The following THSD8 variants were observed in gnomAD, a reference collection of about 807,000 sequenced individuals.
THSD8 encodes thrombospondin type-1 domain-containing protein 8.
chr19:12,803,348 T>C (rs940378690), intron 1 of THSD8, among the ~76,000 whole-genome samples: 52 of 152,214 alleles, frequency 3.4e-4, no homozygotes, highest in African/African-American at 1.2e-3. Flanking sequence ...ACCTTCATTA[T>C]GTCAATTATG....
chr19:12,803,546 C>T (rs891872153), intron 1 of THSD8, among the ~76,000 whole-genome samples: 3 of 152,016 alleles, frequency 2.0e-5, no homozygotes, highest in African/African-American at 7.3e-5. Flanking sequence ...CCACTTACCC[C>T]GTATATGAGC....
Position 12,802,232 on chromosome 19 carries a change from G to A in THSD8, c.148+13G>A. On this transcript the variant is annotated intron_variant, in intron 1 of 1. Coordinates refer to ENST00000639810, the MANE Select transcript of THSD8 (RefSeq NM_001386800.1). ...CAGCATCTAAAGGGTAACCTCAGGC[G>A]GCGGGGATGACGATGCCCAAAGGCT... 5.0e-6 allele frequency: 2 copies of A among 398,684 alleles called. No homozygotes were observed. The highest frequency in any genetic ancestry group is 8.8e-6 in the Non-Finnish European group (2 of 226,110). 24.7% of individuals were successfully genotyped at this position (398,684 alleles called of 1,614,324 possible).
Position 12,804,171 on chromosome 19 carries a change from G to A in THSD8, c.216G>A (p.Glu72=), listed in dbSNP as rs936588938. The change falls in exon 2 of 2, where the codon GAG becomes GAA. Residue 72 remains glutamate (E), a synonymous_variant. Coordinates refer to ENST00000639810, the MANE Select transcript of THSD8 (RefSeq NM_001386800.1). ...WRCLCDLGKQ[E]RSREVVGTAP... ...GTCTCTGCGACCTGGGCAAGCAGGA[G>A]CGCAGCCGCGAGGTAGTGGGCACAG... The A allele has an allele frequency of 1.0e-5, 4 of 398,502 alleles. No homozygotes were observed. Among genetic ancestry groups the A allele is most frequent in the African/African-American group, 8.2e-5 (4 of 48,608 alleles). 24.7% of individuals were successfully genotyped at this position (398,502 alleles called of 1,614,324 possible).
chr19:12,803,634 T>C (rs766834783), intron 1 of THSD8, among the ~76,000 whole-genome samples: 2 of 152,012 alleles, frequency 1.3e-5, no homozygotes, highest in Admixed American at 6.6e-5. Context: ...AGGCCAGGCA[T>C]GGTGGCTGGC....
chr19:12,802,105 C>T lies in THSD8; in HGVS notation c.34C>T (p.Pro12Ser). The T allele has an allele frequency of 2.5e-6, 1 of 398,714 alleles. No homozygotes were observed. Among genetic ancestry groups the T allele is most frequent in the Non-Finnish European group, 4.4e-6 (1 of 226,124 alleles). The allele number at this position is 398,714 out of a possible 1,614,324, so 24.7% of individuals were successfully genotyped here. ...GACCCCGGGGGCGCTGCTGCTGGCG[C>T]CTCTGCTACTCCTGCAGCTGGCGAC... ...ARTPGALLLAPLLLLQLATPA... is the reference protein window; with the variant it reads ...ARTPGALLLASLLLLQLATPA... The change falls in exon 1 of 2, where the codon CCT becomes TCT. Residue 12 changes from proline (P) to serine (S), a missense_variant. By Grantham distance (74) the Pro-to-Ser change is moderately conservative (BLOSUM62 -1). Coordinates refer to ENST00000639810, the MANE Select transcript of THSD8 (RefSeq NM_001386800.1).
chr19:12,802,533 A>G (rs8104763), intron 1 of THSD8, among the ~76,000 whole-genome samples: 10,701 of 152,234 alleles, frequency 0.07, 635 homozygotes, highest in African/African-American at 0.16. Context: ...GAAATCAGAG[A>G]GGGTCCGATT....
At chr19:12,802,542 T>C (rs8107906) in intron 1 of THSD8, among the ~76,000 whole-genome samples, 10,695 of 152,110 alleles carry the variant, frequency 0.07, 635 homozygotes, top group African/African-American at 0.16. Context: ...GAGGGTCCGA[T>C]TGCAGAAGAC....
At chr19:12,802,772 G>T (rs377514395) in intron 1 of THSD8, among the ~76,000 whole-genome samples, 1 of 152,194 alleles carries the variant, frequency 6.6e-6, no homozygotes, top group African/African-American at 2.4e-5. Flanking sequence ...GTTGGGATAA[G>T]ATCTGTCTCA....
chr19:12,803,572 G>C (rs1968935822), intron 1 of THSD8, among the ~76,000 whole-genome samples: 2 of 152,076 alleles, frequency 1.3e-5, no homozygotes. Context: ...AGGTTGGCTT[G>C]CTGTCTCTGG....
chr19:12,802,740 G>A (rs1004780112), intron 1 of THSD8, among the ~76,000 whole-genome samples: 1 of 152,100 alleles, frequency 6.6e-6, no homozygotes, highest in African/African-American at 2.4e-5. Context: ...CTTGGTGAGC[G>A]GTGAGTTGGG....
chr19:12,803,911 C>CAAAAAAAAAAAAAAAAAAAAA (rs761806696), intron 1 of THSD8, among the ~76,000 whole-genome samples, 193 bp from the exon 2 acceptor site: 1 of 34,868 alleles, frequency 2.9e-5, no homozygotes, highest in African/African-American at 1.1e-4. Flanking sequence ...GACCCTGTCT[C>CAAAAAAAAAAAAAAAAAAAAA]AAAAAAAAAA....
At chr19:12,803,470 T>C (rs1968934173) in intron 1 of THSD8, among the ~76,000 whole-genome samples, 1 of 152,088 alleles carries the variant, frequency 6.6e-6, no homozygotes, top group Non-Finnish European at 1.5e-5. Context: ...ACCAAGGATG[T>C]TGTAGGACAC....
Position 12,802,150 on chromosome 19 carries a change from G to T in THSD8, c.79G>T (p.Asp27Tyr). ...QLATPALVYQDYQYLGQQGEG... is the reference protein window; with the variant it reads ...QLATPALVYQYYQYLGQQGEG... ...GGCGACCCCTGCCCTGGTCTACCAG[G>T]ACTATCAGTACTTAGGGCAGCAGGG... The change falls in exon 1 of 2, where the codon GAC (aspartate) becomes TAC (tyrosine). Residue 27 changes from aspartate to tyrosine, a missense_variant. Transcript: ENST00000639810. 1 of 398,718 alleles carries T rather than the reference G, an allele frequency of 2.5e-6. No homozygotes were observed. The highest frequency in any genetic ancestry group is 4.4e-6 in the Non-Finnish European group (1 of 226,098). The allele number at this position is 398,718 out of a possible 1,614,324, so 24.7% of individuals were successfully genotyped here.
rs1273755033 is a variant in THSD8, at chr19:12,804,174, C to T, written c.219C>T (p.Arg73=). 1.0e-5 allele frequency: 4 copies of T among 398,460 alleles called. No homozygotes were observed. The highest frequency in any genetic ancestry group is 4.4e-5 in the Admixed American group (1 of 22,702). The allele number at this position is 398,460 out of a possible 1,614,324, so 24.7% of individuals were successfully genotyped here. Residue 73 remains arginine (R), a synonymous_variant, in exon 2 of 2, where the codon CGC becomes CGT. Coordinates refer to ENST00000639810, the MANE Select transcript of THSD8 (RefSeq NM_001386800.1). ...RCLCDLGKQE[R]SREVVGTAPG... ...TCTGCGACCTGGGCAAGCAGGAGCG[C>T]AGCCGCGAGGTAGTGGGCACAGCGC... is the stretch of plus-strand genomic sequence containing the variant.
intron 1 of THSD8, among the ~76,000 whole-genome samples, 167 bp from the exon 2 acceptor site, chr19:12,803,937 A>T (rs1029699610): frequency 4.7e-5 from 7 of 150,296 alleles, no homozygotes; most frequent in African/African-American, 1.7e-4. Context: ...AAAAAAAAAA[A>T]AGCTTAAATG....
chr19:12,804,347 G>C lies in THSD8; in HGVS notation c.*44G>C, dbSNP rs1025185272. 1.3e-4 allele frequency: 52 copies of C among 398,442 alleles called. No homozygotes were observed. Among genetic ancestry groups the C allele is most frequent in the Non-Finnish European group, 1.9e-4 (44 of 226,030 alleles). 24.7% of individuals were successfully genotyped at this position (398,442 alleles called of 1,614,324 possible). A position where few individuals can be genotyped will look rare whatever the true frequency, so the allele number is the denominator to read the frequency against. ...GGCCGGGGCAAGTTGCGGGGCCCAG[G>C]GTGGGCGCGGAGGGAGGATGTGCGG... On this transcript the variant is annotated 3_prime_UTR_variant, in exon 2 of 2. Coordinates refer to ENST00000639810, the MANE Select transcript of THSD8 (RefSeq NM_001386800.1).
chr19:12,803,756 C>CA (rs1968939304), intron 1 of THSD8, among the ~76,000 whole-genome samples: 1 of 151,220 alleles, frequency 6.6e-6, no homozygotes, highest in Non-Finnish European at 1.5e-5. Context: ...GCAAAAAATA[C>CA]AAAAAATTAG....
intron 1 of THSD8, among the ~76,000 whole-genome samples, chr19:12,802,960 A>T (rs1173257622): frequency 6.6e-6 from 1 of 152,068 alleles, no homozygotes; most frequent in African/African-American, 2.4e-5. Context: ...AAAATATTTT[A>T]AAATTAGCCT....
At chr19:12,803,989 A>G in intron 1 of THSD8, 115 bp from the exon 2 acceptor site, 1 of 327,464 alleles carries the variant, frequency 3.1e-6, no homozygotes, top group Non-Finnish European at 5.5e-6. Context: ...AGCAGAGTCT[A>G]GCGAATATGT....
Sources: allele counts gnomAD v4.1 joint callset (sites outside exome capture counted in the v4.1 genomes callset), GRCh38; gene constraint gnomAD v4.1.1; transcripts MANE v1.5; gene names NCBI Gene and HGNC (gene_info 2026-07-23, HGNC 2026-07-21).